Variants in GRIP1 observed in about 807,000 individuals in gnomAD.
The protein encoded by GRIP1 is glutamate receptor interacting protein 1, also known as glutamate receptor-interacting protein 1.
Under a neutral mutation model 129.9 loss-of-function variants are expected in GRIP1, and 45 were observed. The ratio of observed to expected loss-of-function variants is 0.35; its 90% CI spans 0.27 to 0.44. The LOEUF is 0.44. Ranked by LOEUF, GRIP1 falls within the 20% of genes least tolerant of loss-of-function variation. The pLI, the probability that GRIP1 is intolerant of heterozygous loss-of-function variation, is 1.00. For synonymous variants in GRIP1, 530 were observed against 520.8 expected (o/e 1.02, Z -0.24); for missense variants, 1,196 against 1,396.8 (o/e 0.86, Z 2.29).
chr12:66,440,807 C>T (rs1437523917), intron 13 of GRIP1, among the ~76,000 whole-genome samples: 1 of 152,194 alleles, frequency 6.6e-6, no homozygotes, highest in Non-Finnish European at 1.5e-5. Flanking sequence ...CTTCTTCTTT[C>T]TCTACAGCTA....
At chr12:66,915,661 A>C (rs1205625073) in intron 1 of GRIP1, among the ~76,000 whole-genome samples, 1 of 152,208 alleles carries the variant, frequency 6.6e-6, no homozygotes, top group Non-Finnish European at 1.5e-5. Context: ...TCTGTTGAGA[A>C]GAAAGATATT....
intron 1 of GRIP1, among the ~76,000 whole-genome samples, chr12:66,600,555 C>T (rs965711179): frequency 7.9e-5 from 12 of 152,172 alleles, no homozygotes; most frequent in African/African-American, 2.9e-4. Flanking sequence ...CCTACTTCTG[C>T]TTTTCTTTTT....
At chr12:66,614,563 AC>A (rs1188966206) in intron 1 of GRIP1, among the ~76,000 whole-genome samples, 1 of 152,066 alleles carries the variant, frequency 6.6e-6, no homozygotes, top group Non-Finnish European at 1.5e-5. Flanking sequence ...TCTTGCCTGC[AC>A]CATTCGAGAC....
At chr12:66,376,098 G>T (rs1012543096) in intron 22 of GRIP1, among the ~76,000 whole-genome samples, 2 of 152,170 alleles carry the variant, frequency 1.3e-5, no homozygotes, top group African/African-American at 4.8e-5. Flanking sequence ...GATTTTATAG[G>T]ATTATCCATG....
intron 7 of GRIP1, among the ~76,000 whole-genome samples, chr12:66,475,694 A>G (rs1041022134): frequency 5.3e-5 from 8 of 152,220 alleles, no homozygotes; most frequent in African/African-American, 1.9e-4. Context: ...CCACTCAACT[A>G]CATGGAAACT....
intron 1 of GRIP1, among the ~76,000 whole-genome samples, chr12:66,732,983 T>A (rs2036486281): frequency 6.6e-6 from 1 of 152,164 alleles, no homozygotes; most frequent in South Asian, 2.1e-4. Context: ...AGTAATTTTG[T>A]TATCAACAGG....
At chr12:66,435,906 C>G (rs1403818074) in intron 13 of GRIP1, among the ~76,000 whole-genome samples, 1 of 152,110 alleles carries the variant, frequency 6.6e-6, no homozygotes, top group Non-Finnish European at 1.5e-5. Context: ...TAAATGCCAA[C>G]ATGATTTATT....
At chr12:66,635,490 C>A (rs2031276082) in intron 1 of GRIP1, among the ~76,000 whole-genome samples, 1 of 151,634 alleles carries the variant, frequency 6.6e-6, no homozygotes, top group South Asian at 2.1e-4. Flanking sequence ...CCTAAAATAT[C>A]CATGTTTGCT....
At chr12:66,603,328 C>T (rs1390391854) in intron 1 of GRIP1, among the ~76,000 whole-genome samples, 1 of 152,138 alleles carries the variant, frequency 6.6e-6, no homozygotes, top group East Asian at 1.9e-4. Flanking sequence ...AGAATGGCAA[C>T]AATATAGCTC....
intron 5 of GRIP1, among the ~76,000 whole-genome samples, chr12:66,528,669 G>A (rs1243474036): frequency 3.3e-5 from 5 of 152,124 alleles, no homozygotes; most frequent in Non-Finnish European, 7.4e-5. Flanking sequence ...ACATTTTTCA[G>A]TGATATCGAA....
intron 9 of GRIP1, among the ~76,000 whole-genome samples, chr12:66,456,567 T>C (rs1168899445): frequency 6.6e-6 from 1 of 152,118 alleles, no homozygotes; most frequent in African/African-American, 2.4e-5. Flanking sequence ...GAATAATGCA[T>C]ATCTTTCCTC....
At chr12:66,742,920 GA>G (rs527475630) in intron 1 of GRIP1, among the ~76,000 whole-genome samples, 103 of 152,084 alleles carry the variant, frequency 6.8e-4, no homozygotes, top group Non-Finnish European at 1.3e-3. Flanking sequence ...AATTCTTATT[GA>G]AAAAAAGAAC....
chr12:67,016,305 T>G (rs139594157), intron 1 of GRIP1, among the ~76,000 whole-genome samples: 3 of 152,090 alleles, frequency 2.0e-5, no homozygotes, highest in Non-Finnish European at 4.4e-5. Context: ...CGACAACAGA[T>G]AGACAGACAA....
At chr12:66,750,429 C>T (rs2037088196) in intron 1 of GRIP1, among the ~76,000 whole-genome samples, 1 of 152,096 alleles carries the variant, frequency 6.6e-6, no homozygotes, top group African/African-American at 2.4e-5. Flanking sequence ...TGCTTGGTAC[C>T]TGAGAGCCTC....
At chr12:66,705,481 C>T (rs987591513) in intron 1 of GRIP1, among the ~76,000 whole-genome samples, 9 of 152,082 alleles carry the variant, frequency 5.9e-5, no homozygotes, top group African/African-American at 2.2e-4. Context: ...CCATACTGCC[C>T]AAAGCAATTC....
At chr12:66,480,140 C>T (rs1237410777) in intron 7 of GRIP1, among the ~76,000 whole-genome samples, 1 of 152,168 alleles carries the variant, frequency 6.6e-6, no homozygotes, top group African/African-American at 2.4e-5. Flanking sequence ...TGTCTGTTTG[C>T]AGATGACATC....
At chr12:66,602,731 T>C (rs1388169077) in intron 1 of GRIP1, among the ~76,000 whole-genome samples, 1 of 152,172 alleles carries the variant, frequency 6.6e-6, no homozygotes, top group Non-Finnish European at 1.5e-5. Flanking sequence ...CTCCCTTTTG[T>C]TATTTGTTTT....
intron 1 of GRIP1, among the ~76,000 whole-genome samples, chr12:66,757,129 T>C (rs1592813902): frequency 6.6e-6 from 1 of 152,244 alleles, no homozygotes; most frequent in African/African-American, 2.4e-5. Context: ...TTTTTAAATG[T>C]ACAATAAATT....
intron 1 of GRIP1, among the ~76,000 whole-genome samples, chr12:67,059,701 T>G (rs2043498483): frequency 6.6e-6 from 1 of 152,224 alleles, no homozygotes; most frequent in Non-Finnish European, 1.5e-5. Flanking sequence ...TTGTATATCT[T>G]AAAAGTAGTG....
Sources: gnomAD v4.1 joint callset for allele counts (sites outside exome capture counted in the v4.1 genomes callset) on GRCh38, gnomAD v4.1.1 for gene constraint, MANE v1.5 for transcripts, NCBI Gene and HGNC (gene_info 2026-07-23, HGNC 2026-07-21) for gene names.